Variants in CLPB observed in about 807,000 individuals in gnomAD.
The protein encoded by CLPB is ClpB family mitochondrial disaggregase.
In CLPB, 40 loss-of-function variants were observed where a neutral mutation model predicts 78.4. The ratio of observed to expected loss-of-function variants is 0.51; its 90% CI spans 0.40 to 0.66. The LOEUF is 0.66. CLPB is among the 30% of genes least tolerant of loss of function. The pLI, the probability that CLPB is intolerant of heterozygous loss-of-function variation, is 0.00. For missense variants in CLPB, 780 were observed against 886.9 expected, an observed-to-expected ratio of 0.88 and a Z score of 1.53; for synonymous variants, 333 against 348.0, an observed-to-expected ratio of 0.96 and a Z score of 0.48.
At chr11:72,304,070 G>C (rs891088960) in intron 9 of CLPB, 1 of 152,170 alleles carries the variant, frequency 6.6e-6, no homozygotes, top group Non-Finnish European at 1.5e-5. Flanking sequence ...ATAGACTCTC[G>C]TGCTTACTTA....
chr11:72,391,975 T>G (rs1044006893), intron 3 of CLPB, among the ~76,000 whole-genome samples: 2 of 152,146 alleles, frequency 1.3e-5, no homozygotes, highest in Non-Finnish European at 2.9e-5. Flanking sequence ...TGTTTAGGCT[T>G]TCTGCTTTCA....
chr11:72,315,212 A>G (rs1398825464), intron 7 of CLPB, among the ~76,000 whole-genome samples: 3 of 152,152 alleles, frequency 2.0e-5, no homozygotes, highest in Non-Finnish European at 4.4e-5. Flanking sequence ...GTCTCTACAC[A>G]GATCAGAACA....
In CLPB at chr11:72,286,866, G is replaced by C. The variant is rs1439248118; in HGVS notation, c.*6501C>G. 1 of 151,116 alleles carries C rather than the reference G, an allele frequency of 6.6e-6. No individual in the cohort carries two copies. The highest frequency in any genetic ancestry group is 1.5e-5 in the Non-Finnish European group (1 of 67,830). 9.4% of individuals were successfully genotyped at this position (151,116 alleles called of 1,614,324 possible). On this transcript the variant is annotated 3_prime_UTR_variant, in exon 16 of 16. Transcript: ENST00000538039. ...GAAATACTGGCAAACCAAATTAGAGGTTTACCTTTAACCTCTAAATACTTA... is the reference window on the plus strand; with the variant it reads ...GAAATACTGGCAAACCAAATTAGAGCTTTACCTTTAACCTCTAAATACTTA...
At chr11:72,426,415 A>C (rs1856375561) in intron 2 of CLPB, among the ~76,000 whole-genome samples, 1 of 152,184 alleles carries the variant, frequency 6.6e-6, no homozygotes, top group Non-Finnish European at 1.5e-5. Flanking sequence ...GTTTGGGGTA[A>C]GCCCAGGAGC....
intron 5 of CLPB, among the ~76,000 whole-genome samples, chr11:72,336,019 G>A (rs2135561276): frequency 6.6e-6 from 1 of 152,218 alleles, no homozygotes; most frequent in African/African-American, 2.4e-5. Context: ...TGCGAAGTGG[G>A]GAAGAAGTGG....
chr11:72,295,440 A>G, intron 12 of CLPB, 52 bp downstream of exon 12: 1 of 1,591,990 alleles, frequency 6.3e-7, no homozygotes, highest in Non-Finnish European at 8.6e-7. Flanking sequence ...TCCCCAGGAG[A>G]TAGGCTGGTG....
Position 72,407,893 on chromosome 11 carries a change from C to T in CLPB, c.456-4841G>A, listed in dbSNP as rs77293887. 0.023 allele frequency among the ~76,000 whole-genome samples: 3,467 copies of T among 152,026 alleles called. 50 individuals carry two copies. The highest frequency in any genetic ancestry group is 0.068 in the East Asian group (349 of 5,160). The stretch of plus-strand genomic sequence containing the variant: ...TGATCTCCTGACCTTGTGATCCACC[C>T]GCCTCAGCCTCCCAAAGTGCTGGGA... On this transcript the variant is annotated intron_variant, in intron 2 of 15. Transcript: ENST00000538039.
intron 11 of CLPB, among the ~76,000 whole-genome samples, chr11:72,298,072 C>A (rs1949588670): frequency 6.6e-6 from 1 of 152,156 alleles, no homozygotes; most frequent in African/African-American, 2.4e-5. Flanking sequence ...TATGGGGCTG[C>A]TTTCCCACTG....
At position 72,293,230 on chromosome 11, in the gene CLPB, TG is replaced by T; in HGVS notation, c.*136del. 9.1e-7 allele frequency: 1 copy of T among 1,104,962 alleles called. No individual in the cohort carries two copies. The highest frequency in any genetic ancestry group is 1.3e-6 in the Non-Finnish European group (1 of 775,644). The allele number at this position is 1,104,962 out of a possible 1,614,324, so 68.4% of individuals were successfully genotyped here. A position where few individuals can be genotyped will look rare whatever the true frequency, so the allele number is the denominator to read the frequency against. Reference sequence around the variant, plus strand: ...TTTTGGGGCTGAGAAGGGGTCTTCATGGGCTGTGAGGAGGTAAGCAGGCCTG... The same window carrying T: ...TTTTGGGGCTGAGAAGGGGTCTTCATGGCTGTGAGGAGGTAAGCAGGCCTG... On this transcript the variant is annotated 3_prime_UTR_variant, in exon 16 of 16. Coordinates refer to ENST00000538039, the MANE Select transcript of CLPB (RefSeq NM_001258392.3).
chr11:72,395,151 T>C (rs1477618345), intron 3 of CLPB, among the ~76,000 whole-genome samples: 1 of 152,226 alleles, frequency 6.6e-6, no homozygotes, highest in Admixed American at 6.5e-5. Context: ...TTCTTCTCTG[T>C]GGCACTGAAC....
At position 72,317,233 on chromosome 11, in the gene CLPB, A is replaced by G; in HGVS notation, c.874-13T>C. 6.3e-7 allele frequency: 1 copy of G among 1,595,858 alleles called. No individual in the cohort carries two copies. On this transcript the variant is annotated splice_polypyrimidine_tract_variant and intron_variant, in intron 6 of 15. Coordinates refer to ENST00000538039, the MANE Select transcript of CLPB (RefSeq NM_001258392.3). Reference sequence around the variant, plus strand: ...GCTTCTCTTGGTACTGTGGGGAGAGAGGGCAAATGGTTGAGGGCTGCCGGG... The same window carrying G: ...GCTTCTCTTGGTACTGTGGGGAGAGGGGGCAAATGGTTGAGGGCTGCCGGG...
At chr11:72,303,589 G>C (rs1949697410) in intron 9 of CLPB, among the ~76,000 whole-genome samples, 2 of 152,162 alleles carry the variant, frequency 1.3e-5, no homozygotes, top group Admixed American at 6.5e-5. Flanking sequence ...CCTCACCAGG[G>C]GTCTGAGGAT....
At chr11:72,422,471 C>T (rs1856239307) in intron 2 of CLPB, among the ~76,000 whole-genome samples, 1 of 152,082 alleles carries the variant, frequency 6.6e-6, no homozygotes, top group South Asian at 2.1e-4. Flanking sequence ...ATTATGCTGC[C>T]TTTCCAACAT....
chr11:72,310,764 C>T (rs926900043), intron 7 of CLPB, among the ~76,000 whole-genome samples: 2 of 152,138 alleles, frequency 1.3e-5, no homozygotes, highest in Admixed American at 6.5e-5. Context: ...CATCCCCCTA[C>T]GTGGGTTCTG....
chr11:72,416,287 A>T (rs1856019131), intron 2 of CLPB, among the ~76,000 whole-genome samples: 1 of 152,210 alleles, frequency 6.6e-6, no homozygotes, highest in Admixed American at 6.5e-5. Context: ...ACTAAAGGCC[A>T]CCTTGCCTGT....
At chr11:72,331,667 T>C (rs1590805490) in intron 5 of CLPB, among the ~76,000 whole-genome samples, 1 of 146,988 alleles carries the variant, frequency 6.8e-6, no homozygotes, top group African/African-American at 2.5e-5. Flanking sequence ...CTCCACCTCC[T>C]GGGATCAAGC....
intron 7 of CLPB, among the ~76,000 whole-genome samples, chr11:72,309,662 T>C (rs1009127413): frequency 6.6e-6 from 1 of 152,202 alleles, no homozygotes; most frequent in Admixed American, 6.5e-5. Context: ...AAACCTGTCG[T>C]CTTTTTTTAA....
chr11:72,337,728 CT>C (rs1034213246), intron 5 of CLPB, among the ~76,000 whole-genome samples: 1 of 152,142 alleles, frequency 6.6e-6, no homozygotes, highest in African/African-American at 2.4e-5. Context: ...AAAATGCTAC[CT>C]TCCAAAGGCC....
chr11:72,403,003 T>C lies in CLPB; in HGVS notation c.505A>G (p.Thr169Ala). ...DVNAKHRLGWTALMVAAINRN... is the reference protein window; with the variant it reads ...DVNAKHRLGWAALMVAAINRN... ...TTGATGGCTGCCACCATGAGTGCTG[T>C]CCAGCCAAGTCTGTGCTTTGCATTG... is the stretch of plus-strand genomic sequence containing the variant. Residue 169 changes from threonine (T) to alanine (A), a missense_variant, in exon 3 of 16, where the codon ACA becomes GCA. By Grantham distance (58) the Thr-to-Ala change is moderately conservative. Coordinates refer to ENST00000538039, the MANE Select transcript of CLPB (RefSeq NM_001258392.3). 1 of 1,613,814 alleles carries C rather than the reference T, an allele frequency of 6.2e-7. No individual in the cohort carries two copies. The highest frequency in any genetic ancestry group is 8.5e-7 in the Non-Finnish European group (1 of 1,180,040).
Sources: gnomAD v4.1 joint callset for allele counts (sites outside exome capture counted in the v4.1 genomes callset) on GRCh38, gnomAD v4.1.1 for gene constraint, MANE v1.5 for transcripts, NCBI Gene and HGNC (gene_info 2026-07-23, HGNC 2026-07-21) for gene names.